PMFBP1: variants seen among roughly 807,000 people sequenced by gnomAD.
PMFBP1 encodes polyamine modulated factor 1 binding protein 1.
In PMFBP1, 131 loss-of-function variants were observed where a neutral mutation model predicts 137.8. The observed-to-expected ratio is 0.95, with a 90% confidence interval of 0.82 to 1.10. PMFBP1 has a LOEUF of 1.10. Ranked by LOEUF, PMFBP1 falls within the 50% of genes least tolerant of loss-of-function variation. PMFBP1 has a pLI of 0.00. For synonymous variants in PMFBP1, 490 were observed against 450.4 expected (o/e 1.09, Z -1.11); for missense variants, 1,199 against 1,175.4 (o/e 1.02, Z -0.29).
the PMFBP1 span, among the ~76,000 whole-genome samples, chr16:72,233,031 A>T: frequency 6.6e-6 from 1 of 152,172 alleles, no homozygotes; most frequent in Non-Finnish European, 1.5e-5. Context: ...AAACTTACAA[A>T]GCCATTTATA....
At chr16:72,137,146 C>T (rs2042644719) in intron 7 of PMFBP1, among the ~76,000 whole-genome samples, 1 of 152,200 alleles carries the variant, frequency 6.6e-6, no homozygotes. Context: ...ATATTGCAGA[C>T]TTCTCAGGCT....
the PMFBP1 span, among the ~76,000 whole-genome samples, chr16:72,188,746 G>T: frequency 6.6e-6 from 1 of 152,114 alleles, no homozygotes; most frequent in Non-Finnish European, 1.5e-5. Flanking sequence ...AAGCGCTGGT[G>T]CCTAACATTA....
the PMFBP1 span, among the ~76,000 whole-genome samples, chr16:72,182,557 T>C: frequency 6.8e-6 from 1 of 147,556 alleles, no homozygotes; most frequent in African/African-American, 2.5e-5. Flanking sequence ...TCTCTCTCAG[T>C]GATTATTTCC....
the PMFBP1 span, among the ~76,000 whole-genome samples, chr16:72,185,027 C>CT: frequency 0.093 from 13,371 of 143,872 alleles, 1,012 homozygotes; most frequent in South Asian, 0.39. Flanking sequence ...GTCCTGTTTT[C>CT]TTTTTTTTTT....
At chr16:72,178,969 A>C (rs1000423189), upstream of PMFBP1, among the ~76,000 whole-genome samples, 1 of 152,214 alleles carries the variant, frequency 6.6e-6, no homozygotes, top group African/African-American at 2.4e-5. Flanking sequence ...TCTCCACCAT[A>C]AACTCTCCAA....
In PMFBP1 at chr16:72,136,760, C is replaced by G. The variant is rs781280704; in HGVS notation, c.978G>C (p.Gln326His). ...CCACGCGCAGATCCTTCACCAGGTT[C>G]TGGTACTCCTCCACATGCAGGCACT... The part of the protein sequence containing the change: ...DSQCLHVEEY[Q>H]NLVKDLRVEL... Residue 326 changes from glutamine (Q) to histidine (H), a missense_variant, in exon 8 of 21, where the codon CAG becomes CAC. Gln to His is a conservative substitution (Grantham distance 24, BLOSUM62 0). Coordinates refer to ENST00000237353, the MANE Select transcript of PMFBP1 (RefSeq NM_031293.3). 1.2e-6 allele frequency: 2 copies of G among 1,614,206 alleles called. No individual in the cohort carries two copies. Among genetic ancestry groups the G allele is most frequent in the South Asian group, 1.1e-5 (1 of 91,082 alleles).
chr16:72,140,665 G>A (rs2042704900), intron 5 of PMFBP1, 83 bp from the exon 6 acceptor site: 1 of 1,283,806 alleles, frequency 7.8e-7, no homozygotes, highest in Non-Finnish European at 1.1e-6. Flanking sequence ...AAAATCTCTA[G>A]ACCTATATTC....
At chr16:72,130,134 T>C (rs2042525699) in intron 12 of PMFBP1, 79 bp downstream of exon 12, 1 of 1,567,808 alleles carries the variant, frequency 6.4e-7, no homozygotes, top group Admixed American at 1.7e-5. Context: ...AGATTACAGG[T>C]GTGAGCCACT....
chr16:72,133,641 G>T (rs2042581675), intron 9 of PMFBP1, among the ~76,000 whole-genome samples: 1 of 152,158 alleles, frequency 6.6e-6, no homozygotes, highest in Non-Finnish European at 1.5e-5. Context: ...AGTCAGGTGT[G>T]AGCAGGGCAG....
chr16:72,194,561 G>C, the PMFBP1 span, among the ~76,000 whole-genome samples: 17 of 152,222 alleles, frequency 1.1e-4, no homozygotes, highest in African/African-American at 4.1e-4. Flanking sequence ...GAAAATCTTT[G>C]AGCTTGAGCA....
At chr16:72,198,904 A>G in the PMFBP1 span, among the ~76,000 whole-genome samples, 1 of 147,448 alleles carries the variant, frequency 6.8e-6, no homozygotes. Flanking sequence ...ATCAGCTTCT[A>G]TGAAGGCTGA....
chr16:72,225,709 T>TATAATAATA, the PMFBP1 span, among the ~76,000 whole-genome samples: 37 of 109,610 alleles, frequency 3.4e-4, no homozygotes, highest in Middle Eastern at 4.6e-3. Context: ...TGAGACTGTT[T>TATAATAATA]ATAATAATAA....
At chr16:72,137,220 T>C (rs2144327047) in intron 7 of PMFBP1, among the ~76,000 whole-genome samples, 1 of 152,250 alleles carries the variant, frequency 6.6e-6, no homozygotes, top group South Asian at 2.1e-4. Context: ...AGACAGTTGT[T>C]TATGGAGAAT....
chr16:72,196,367 A>G, the PMFBP1 span, among the ~76,000 whole-genome samples: 4 of 152,196 alleles, frequency 2.6e-5, no homozygotes, highest in Non-Finnish European at 5.9e-5. Context: ...TCTGTGGTAC[A>G]GAACTGGCAC....
At chr16:72,205,356 C>T in the PMFBP1 span, among the ~76,000 whole-genome samples, 7 of 152,366 alleles carry the variant, frequency 4.6e-5, no homozygotes, top group South Asian at 1.5e-3. Flanking sequence ...TACCGATTTT[C>T]CCTGAATGGA....
At chr16:72,239,885 C>CAAAAAAAAAAAAAAAAAA in the PMFBP1 span, among the ~76,000 whole-genome samples, 3 of 21,366 alleles carry the variant, frequency 1.4e-4, no homozygotes, top group African/African-American at 2.3e-4. Context: ...ACTCCATGTA[C>CAAAAAAAAAAAAAAAAAA]AAAAAAAAAA....
chr16:72,143,497 C>T lies in PMFBP1; in HGVS notation c.637-2915G>A, dbSNP rs1048064822. Among the ~76,000 whole-genome samples, 3 of 152,188 alleles carry T rather than the reference C, an allele frequency of 2.0e-5. No homozygotes were observed. In the South Asian group the frequency reaches 6.2e-4, roughly 31 times the overall value. ...GTGGCTTGCACCTGTAATCCCAGCA[C>T]TTTGGGAGGCTGAGGTGGGAAGATC... On this transcript the variant is annotated intron_variant, in intron 5 of 20. Coordinates refer to ENST00000237353, the MANE Select transcript of PMFBP1 (RefSeq NM_031293.3).
In PMFBP1 at chr16:72,138,995, G is replaced by A. The variant is rs374923226; in HGVS notation, c.918+294C>T. 9.9e-5 allele frequency among the ~76,000 whole-genome samples: 15 copies of A among 151,500 alleles called. No individual in the cohort carries two copies. The East Asian group carries it at 1.2e-3, about 12-fold the overall frequency. On this transcript the variant is annotated intron_variant, in intron 7 of 20. Transcript: ENST00000237353. ...GTACTTTTCAACTCCAGCCAGACACGAGGAGGCTAGATGGTCCTTTTGAAT... is the reference window on the plus strand; with the variant it reads ...GTACTTTTCAACTCCAGCCAGACACAAGGAGGCTAGATGGTCCTTTTGAAT...
At chr16:72,213,737 T>C in the PMFBP1 span, among the ~76,000 whole-genome samples, 1 of 152,212 alleles carries the variant, frequency 6.6e-6, no homozygotes, top group Non-Finnish European at 1.5e-5. Context: ...CACACAGTGA[T>C]AGATAACTAA....
Sources: gnomAD v4.1 joint callset for allele counts (sites outside exome capture counted in the v4.1 genomes callset) on GRCh38, gnomAD v4.1.1 for gene constraint, MANE v1.5 for transcripts, NCBI Gene and HGNC (gene_info 2026-07-23, HGNC 2026-07-21) for gene names.